The following ABCA8 variants were observed in gnomAD, a reference collection of about 807,000 sequenced individuals.
The protein encoded by ABCA8 is ATP binding cassette subfamily A member 8.
A neutral mutation model predicts 192.3 loss-of-function variants in ABCA8; 177 were observed. The observed-to-expected ratio is 0.92, with a 90% CI of 0.81 to 1.04. The LOEUF (loss-of-function observed/expected upper bound fraction) is 1.04. ABCA8 is among the 50% of genes least tolerant of loss of function. ABCA8 has a pLI of 0.00. For missense variants in ABCA8, 1,915 were observed against 1,904.8 expected (o/e 1.01, Z -0.10); for synonymous variants, 642 against 690.2 (o/e 0.93, Z 1.09).
chr17:68,934,392 A>T (rs1275051599), intron 5 of ABCA8, among the ~76,000 whole-genome samples: 1 of 152,206 alleles, frequency 6.6e-6, no homozygotes, highest in Admixed American at 6.5e-5. Flanking sequence ...TATATGTTAC[A>T]GTAATAACCC....
chr17:68,918,627 T>C (rs2067449765), intron 14 of ABCA8, 81 bp from the exon 15 acceptor site: 14 of 1,354,850 alleles, frequency 1.0e-5, no homozygotes, highest in East Asian at 2.6e-5. Flanking sequence ...CTGTAAAGTG[T>C]AAATGGTTAA....
intron 10 of ABCA8, among the ~76,000 whole-genome samples, chr17:68,925,915 A>G (rs1163636156): frequency 6.6e-6 from 1 of 152,226 alleles, no homozygotes; most frequent in Non-Finnish European, 1.5e-5. Flanking sequence ...GAGCAGAGAC[A>G]ATTAGGAAGA....
chr17:68,922,986 G>A (rs1363381982), intron 11 of ABCA8, among the ~76,000 whole-genome samples: 1 of 152,046 alleles, frequency 6.6e-6, no homozygotes, highest in Non-Finnish European at 1.5e-5. Flanking sequence ...TTGGTTACAT[G>A]GTGATGATGG....
Position 68,867,396 on chromosome 17 carries a change from A to G in ABCA8, c.*689T>C, listed in dbSNP as rs1296477804. 6.6e-6 allele frequency: 1 copy of G among 152,194 alleles called. No individual in the cohort carries two copies. Among genetic ancestry groups the G allele is most frequent in the Non-Finnish European group, 1.5e-5 (1 of 68,030 alleles). The allele number at this position is 152,194 out of a possible 1,614,324, so 9.4% of individuals were successfully genotyped here. ...TGAAACCAAGTGACAAATATCCACA[A>G]AAGATCATTTACAATGTAGACATCA... On this transcript the variant is annotated 3_prime_UTR_variant, in exon 40 of 40. Transcript: ENST00000586539.
At chr17:68,907,680 A>G (rs1467245842) in intron 18 of ABCA8, 60 bp downstream of exon 18, 20 of 1,406,824 alleles carry the variant, frequency 1.4e-5, no homozygotes, top group Non-Finnish European at 1.6e-5. Flanking sequence ...TAATGATAAT[A>G]ATTATGATGA....
At chr17:68,941,552 A>G (rs2068230490) in intron 3 of ABCA8, among the ~76,000 whole-genome samples, 1 of 152,172 alleles carries the variant, frequency 6.6e-6, no homozygotes, top group Non-Finnish European at 1.5e-5. Context: ...TCAAGAAGAG[A>G]AAAAGATCTC....
chr17:68,893,628 ATTCT>A (rs1390789561), intron 23 of ABCA8, among the ~76,000 whole-genome samples: 8 of 134,336 alleles, frequency 6.0e-5, no homozygotes, highest in Non-Finnish European at 8.0e-5. Flanking sequence ...TCCTTCCTTC[ATTCT>A]TTCCTTCCTT....
At chr17:68,878,118 C>A (rs2143264112) in intron 32 of ABCA8, 1 of 154,406 alleles carries the variant, frequency 6.5e-6, no homozygotes, top group Non-Finnish European at 1.4e-5. Flanking sequence ...AGTTTTCATT[C>A]TACTGAATGA....
Position 68,911,328 on chromosome 17 carries a change from G to A in ABCA8, c.2139-3449C>T, listed in dbSNP as rs571216421. On this transcript the variant is annotated intron_variant, in intron 17 of 39. Transcript: ENST00000586539. This position sits in a 1 kb window ranked among gnomAD's most constrained non-coding sequence, Gnocchi z 5.7. ...TACTCGCTGCAGGCCTGGGGCAGTG[G>A]TGACTAGGGGGAGAGACTCCTTCTC... Among the ~76,000 whole-genome samples, 1 of 152,024 alleles carries A rather than the reference G, an allele frequency of 6.6e-6. No individual in the cohort carries two copies. Among genetic ancestry groups the A allele is most frequent in the Non-Finnish European group, 1.5e-5 (1 of 67,968 alleles).
At chr17:68,884,956 A>C (rs1039135150) in intron 27 of ABCA8, 11 of 712,140 alleles carry the variant, frequency 1.5e-5, no homozygotes, top group Non-Finnish European at 1.7e-5. Context: ...TATAAGGACT[A>C]CTCTGTTTCC....
rs1315923386 is a variant in ABCA8, at chr17:68,887,077, A to AATCAC, written c.3364_3368dup (p.Ile1123MetfsTer2). The stretch of plus-strand genomic sequence containing the variant: ...TTCTCCCCTTGCGAAAGATGAAGGA[A>AATCAC]ATCACGTATGTCATGAAGATGAGGG... On this transcript the variant is annotated stop_gained and frameshift_variant, in exon 26 of 40. Coordinates refer to ENST00000586539, the MANE Select transcript of ABCA8 (RefSeq NM_001288985.2). LOFTEE classifies it high-confidence loss of function. 7 of 1,613,208 alleles carry AATCAC rather than the reference A, an allele frequency of 4.3e-6. No homozygotes were observed. Among genetic ancestry groups the AATCAC allele is most frequent in the Non-Finnish European group, 5.9e-6 (7 of 1,179,650 alleles).
At chr17:68,891,427 G>T (rs946552023) in intron 24 of ABCA8, 62 bp downstream of exon 24, 1 of 1,186,130 alleles carries the variant, frequency 8.4e-7, no homozygotes, top group Non-Finnish European at 1.2e-6. Flanking sequence ...ATGAAAAATT[G>T]TAAAATTACC....
intron 21 of ABCA8, among the ~76,000 whole-genome samples, chr17:68,902,023 C>T (rs1413681200): frequency 1.3e-5 from 2 of 151,970 alleles, no homozygotes; most frequent in Non-Finnish European, 2.9e-5. Flanking sequence ...TTCGTAATAT[C>T]CAATTATTGG....
At chr17:68,951,822 A>G (rs8068042) in intron 1 of ABCA8, among the ~76,000 whole-genome samples, 3 of 152,196 alleles carry the variant, frequency 2.0e-5, no homozygotes, top group Non-Finnish European at 2.9e-5. Context: ...TATATAAAAA[A>G]CTATCAATGC....
intron 14 of ABCA8, 31 bp downstream of exon 14, chr17:68,919,269 AC>A: frequency 6.4e-7 from 1 of 1,555,704 alleles, no homozygotes. Context: ...TCTCATTTTG[AC>A]CAACACATTA....
At chr17:68,926,711 C>T (rs906474647) in intron 10 of ABCA8, among the ~76,000 whole-genome samples, 1 of 152,070 alleles carries the variant, frequency 6.6e-6, no homozygotes, top group Non-Finnish European at 1.5e-5. Context: ...ATCTTTTGTT[C>T]TGGGTTCTTT....
chr17:68,892,282 A>G (rs920863478), intron 23 of ABCA8, among the ~76,000 whole-genome samples: 1 of 152,208 alleles, frequency 6.6e-6, no homozygotes, highest in Admixed American at 6.5e-5. Context: ...CTTGGTCACC[A>G]GAAAGACACT....
chr17:68,934,265 A>G (rs1427306890), intron 5 of ABCA8, among the ~76,000 whole-genome samples: 2 of 152,116 alleles, frequency 1.3e-5, no homozygotes, highest in Non-Finnish European at 2.9e-5. Flanking sequence ...CCTGTTGATA[A>G]CAATTTGGTT....
chr17:68,902,566 G>A (rs2066941743), intron 21 of ABCA8, 147 bp downstream of exon 21: 1 of 572,058 alleles, frequency 1.7e-6, no homozygotes, highest in Non-Finnish European at 2.8e-6. Flanking sequence ...TTCTTTGGGG[G>A]CCTGTATTTA....
Sources: gnomAD v4.1 joint callset for allele counts (sites outside exome capture counted in the v4.1 genomes callset) on GRCh38, gnomAD v4.1.1 for gene constraint, Gnocchi (gnomAD v3.1) non-coding constraint, MANE v1.5 for transcripts, NCBI Gene and HGNC (gene_info 2026-07-23, HGNC 2026-07-21) for gene names.